PSD3: variants seen among roughly 807,000 people sequenced by gnomAD.
PSD3 encodes the protein pleckstrin and Sec7 domain containing 3.
In PSD3, 49 loss-of-function variants were observed where a neutral mutation model predicts 105.5. The ratio of observed to expected loss-of-function variants is 0.46; its 90% CI spans 0.37 to 0.59. PSD3 has a LOEUF of 0.59. PSD3 is among the 20% of genes least tolerant of loss of function. The pLI, the probability that PSD3 is intolerant of heterozygous loss-of-function variation, is 0.00. For missense variants in PSD3, 1,561 were observed against 1,263.8 expected (o/e 1.24, Z -3.57); for synonymous variants, 557 against 457.8 (o/e 1.22, Z -2.77).
intron 8 of PSD3, among the ~76,000 whole-genome samples, chr8:18,791,528 G>T (rs372545390): frequency 6.6e-6 from 1 of 152,148 alleles, no homozygotes; most frequent in Non-Finnish European, 1.5e-5. Context: ...GTAGCCATAC[G>T]CAGAAAACTG....
chr8:18,762,149 T>C lies in PSD3; in HGVS notation c.2172+3300A>G, dbSNP rs146796836. Among the ~76,000 whole-genome samples the C allele has an allele frequency of 5.1e-3, 771 of 152,244 alleles. 12 individuals carry two copies. The highest frequency in any genetic ancestry group is 0.018 in the African/African-American group (728 of 41,544). ...GGATGTGGGGTCTGTTGGGAGGTGA[T>C]TGGATCAGGAGGGCGGAGCTCTCAT... is the stretch of plus-strand genomic sequence containing the variant. On this transcript the variant is annotated intron_variant, in intron 9 of 15. Transcript: ENST00000327040.
Position 18,600,436 on chromosome 8 carries a change from T to C in PSD3, c.2411-2A>G. On this transcript the variant is annotated splice_acceptor_variant, in intron 11 of 15. Coordinates refer to ENST00000327040, the MANE Select transcript of PSD3 (RefSeq NM_015310.4). LOFTEE classifies it high-confidence loss of function. ...TCCATCCTCGTTTTCCTCTTGGAGC[T>C]AGAAAGGGGGAAAAAATGTAAAATT... is the stretch of plus-strand genomic sequence containing the variant. 6.3e-7 allele frequency: 1 copy of C among 1,597,334 alleles called. No homozygotes were observed. Among genetic ancestry groups the C allele is most frequent in the Non-Finnish European group, 8.5e-7 (1 of 1,173,550 alleles).
chr8:18,845,502 A>G (rs1815011061), intron 4 of PSD3, among the ~76,000 whole-genome samples: 1 of 152,176 alleles, frequency 6.6e-6, no homozygotes, highest in Non-Finnish European at 1.5e-5. Context: ...CCACACTGAG[A>G]GTGCTCTGGG....
At chr8:18,975,049 A>C (rs545254240) in intron 1 of PSD3, among the ~76,000 whole-genome samples, 20 of 152,166 alleles carry the variant, frequency 1.3e-4, no homozygotes, top group Non-Finnish European at 2.6e-4. Context: ...AAAGGACAAG[A>C]GGCTGGCAGA....
At chr8:18,961,670 G>C (rs1301045908) in intron 1 of PSD3, among the ~76,000 whole-genome samples, 3 of 152,196 alleles carry the variant, frequency 2.0e-5, no homozygotes, top group Admixed American at 1.3e-4. Flanking sequence ...CAGCCTGGGT[G>C]ACAGAGCGAG....
intron 9 of PSD3, among the ~76,000 whole-genome samples, chr8:18,716,528 T>C (rs570321042): frequency 6.6e-6 from 1 of 152,264 alleles, no homozygotes; most frequent in Non-Finnish European, 1.5e-5. Flanking sequence ...CCAGGGTGGC[T>C]GAAGCTTGGG....
intron 4 of PSD3, among the ~76,000 whole-genome samples, chr8:18,808,316 T>C (rs768378324): frequency 6.6e-6 from 1 of 152,242 alleles, no homozygotes; most frequent in Non-Finnish European, 1.5e-5. Context: ...GGAAAATTCA[T>C]GGCATTTATT....
intron 9 of PSD3, among the ~76,000 whole-genome samples, chr8:18,744,583 C>A (rs181086186): frequency 6.6e-6 from 1 of 152,284 alleles, no homozygotes; most frequent in East Asian, 1.9e-4. Context: ...AACTACCCAG[C>A]ATCTTTCTTT....
intron 15 of PSD3, among the ~76,000 whole-genome samples, chr8:18,537,020 T>C (rs1191334003): frequency 2.6e-5 from 4 of 152,216 alleles, no homozygotes; most frequent in African/African-American, 4.8e-5. Context: ...TCTAGTCAGA[T>C]TGGGGTTTTG....
At chr8:19,071,933 C>G (rs924427729) in intron 1 of PSD3, among the ~76,000 whole-genome samples, 2 of 152,134 alleles carry the variant, frequency 1.3e-5, no homozygotes, top group Non-Finnish European at 2.9e-5. Context: ...TGGTCTGGAA[C>G]TCCTGACCTC....
chr8:19,050,330 G>C (rs1261558290), intron 1 of PSD3, among the ~76,000 whole-genome samples: 1 of 152,088 alleles, frequency 6.6e-6, no homozygotes, highest in Non-Finnish European at 1.5e-5. Context: ...AGGATATAAT[G>C]GCTAAGAGGC....
At position 18,550,932 on chromosome 8, in the gene PSD3, A is replaced by T. The variant is rs78595117; in HGVS notation, c.2928+5277T>A. On this transcript the variant is annotated intron_variant, in intron 15 of 15. Transcript: ENST00000327040. ...GATTCCACGCTAGACTGACTTACTA[A>T]GATTGAGACTTTTGCTACTAATCTT... 2.0e-4 allele frequency among the ~76,000 whole-genome samples: 30 copies of T among 152,358 alleles called. 1 individual carries two copies. In the East Asian group the frequency reaches 5.8e-3, roughly 29 times the overall value.
chr8:18,780,440 TC>T (rs1808497422), intron 8 of PSD3, among the ~76,000 whole-genome samples: 1 of 152,174 alleles, frequency 6.6e-6, no homozygotes, highest in South Asian at 2.1e-4. Context: ...AGTACTTAAT[TC>T]CTGTCATTTT....
intron 2 of PSD3, among the ~76,000 whole-genome samples, chr8:18,886,466 TCCTACTGGGACGCTCGAAAGACAAGA>T (rs1190450024): frequency 1.3e-5 from 2 of 152,162 alleles, no homozygotes; most frequent in Non-Finnish European, 2.9e-5. Context: ...CCCAGGGGTC[TCCTACTGGGACGCTCGAAAGACAAGA>T]CTAGTAAGCA....
At chr8:18,671,879 C>A (rs1220556522) in intron 9 of PSD3, among the ~76,000 whole-genome samples, 1 of 152,156 alleles carries the variant, frequency 6.6e-6, no homozygotes, top group Non-Finnish European at 1.5e-5. Context: ...TATCCGCCCG[C>A]CTTGGCCTCC....
At chr8:18,786,054 C>T (rs370157430) in intron 8 of PSD3, among the ~76,000 whole-genome samples, 1 of 152,152 alleles carries the variant, frequency 6.6e-6, no homozygotes. Context: ...TACGCCTATA[C>T]TTAAACTTAC....
chr8:18,925,705 T>C (rs886785887), intron 2 of PSD3, among the ~76,000 whole-genome samples: 1 of 152,074 alleles, frequency 6.6e-6, no homozygotes, highest in African/African-American at 2.4e-5. Context: ...CAAGAAATCA[T>C]GCCAGTTTAT....
chr8:18,807,782 T>C (rs1811329223), intron 4 of PSD3, among the ~76,000 whole-genome samples: 1 of 152,138 alleles, frequency 6.6e-6, no homozygotes, highest in Non-Finnish European at 1.5e-5. Flanking sequence ...AAATGCATGA[T>C]TTTTTCATCC....
At chr8:18,888,616 A>G (rs1490736423) in intron 2 of PSD3, among the ~76,000 whole-genome samples, 1 of 152,214 alleles carries the variant, frequency 6.6e-6, no homozygotes, top group Non-Finnish European at 1.5e-5. Context: ...TACTATAATC[A>G]CTATGACTTT....
Sources: gnomAD v4.1 joint callset for allele counts (sites outside exome capture counted in the v4.1 genomes callset) on GRCh38, gnomAD v4.1.1 for gene constraint, MANE v1.5 for transcripts, NCBI Gene and HGNC (gene_info 2026-07-23, HGNC 2026-07-21) for gene names.